BRINP3: variants seen among roughly 807,000 people sequenced by gnomAD.
BRINP3 encodes the protein BMP/retinoic acid inducible neural specific 3.
Under a neutral mutation model 71.0 loss-of-function variants are expected in BRINP3, and 19 were observed. The ratio of observed to expected loss-of-function variants is 0.27; its 90% confidence interval spans 0.19 to 0.39. BRINP3 has a LOEUF of 0.39. Among genes scored for constraint, BRINP3 ranks in the 10% least tolerant of loss-of-function variants. The probability of loss-of-function intolerance (pLI) is 1.00; values close to 1 mark genes in which losing one functional copy is unlikely to be tolerated. For missense variants in BRINP3, 959 were observed against 940.8 expected (o/e 1.02, Z -0.25); for synonymous variants, 380 against 337.7 (o/e 1.13, Z -1.37).
At chr1:190,372,807 T>C (rs1345947012) in intron 2 of BRINP3, among the ~76,000 whole-genome samples, 1 of 152,200 alleles carries the variant, frequency 6.6e-6, no homozygotes, top group Admixed American at 6.5e-5. Flanking sequence ...ATCTAAATTC[T>C]TTTTTATCAC....
At chr1:190,116,248 T>G (rs776644125) in intron 7 of BRINP3, among the ~76,000 whole-genome samples, 6 of 152,098 alleles carry the variant, frequency 3.9e-5, no homozygotes, top group Non-Finnish European at 8.8e-5. Flanking sequence ...TTCACAAATG[T>G]GGTTAAAATC....
At chr1:190,332,584 GAC>G (rs1667038195) in intron 2 of BRINP3, among the ~76,000 whole-genome samples, 1 of 152,004 alleles carries the variant, frequency 6.6e-6, no homozygotes, top group East Asian at 1.9e-4. Flanking sequence ...CCAGCAGAAA[GAC>G]AGTCTTTCTC....
At chr1:190,467,455 C>T (rs1436753519) in intron 1 of BRINP3, among the ~76,000 whole-genome samples, 1 of 151,398 alleles carries the variant, frequency 6.6e-6, no homozygotes, top group Non-Finnish European at 1.5e-5. Context: ...TTCCAATTGC[C>T]TCCTTAACTG....
intron 2 of BRINP3, among the ~76,000 whole-genome samples, chr1:190,444,023 G>C (rs560134343): frequency 6.6e-6 from 1 of 152,098 alleles, no homozygotes; most frequent in African/African-American, 2.4e-5. Flanking sequence ...ACCTAAGGTT[G>C]GGAGTTCGAG....
At chr1:190,367,350 G>A (rs1669573294) in intron 2 of BRINP3, among the ~76,000 whole-genome samples, 1 of 152,198 alleles carries the variant, frequency 6.6e-6, no homozygotes, top group South Asian at 2.1e-4. Context: ...TAAAGCAGCT[G>A]GGATGCAGGA....
At chr1:190,356,343 T>C (rs1558212237) in intron 2 of BRINP3, among the ~76,000 whole-genome samples, 1 of 152,010 alleles carries the variant, frequency 6.6e-6, no homozygotes, top group Non-Finnish European at 1.5e-5. Context: ...GTCATTTTTT[T>C]CCTATGACCC....
chr1:190,266,697 A>T (rs1169274105), intron 3 of BRINP3, among the ~76,000 whole-genome samples: 3 of 152,186 alleles, frequency 2.0e-5, no homozygotes, highest in African/African-American at 4.8e-5. Context: ...AGAATGACCA[A>T]TGAATCAGAA....
At chr1:190,462,585 G>T (rs997246001) in intron 1 of BRINP3, among the ~76,000 whole-genome samples, 1 of 152,094 alleles carries the variant, frequency 6.6e-6, no homozygotes, top group East Asian at 1.9e-4. Flanking sequence ...TAAAGAAAAT[G>T]ATGATAAAAT....
At chr1:190,420,861 T>G (rs1166534456) in intron 2 of BRINP3, among the ~76,000 whole-genome samples, 3 of 151,816 alleles carry the variant, frequency 2.0e-5, no homozygotes, top group Non-Finnish European at 4.4e-5. Flanking sequence ...AAGACAATGT[T>G]TCCAGGGAGA....
chr1:190,174,304 C>T (rs1456141437), intron 6 of BRINP3, among the ~76,000 whole-genome samples: 1 of 151,940 alleles, frequency 6.6e-6, no homozygotes, highest in Non-Finnish European at 1.5e-5. Context: ...ATTAATGTGT[C>T]TTATTTTCCA....
rs779512873 is a variant in BRINP3 at position 190,363,027 on chromosome 1, A to T, written c.237-81277T>A. Among the ~76,000 whole-genome samples, 240 of 152,280 alleles carry T rather than the reference A, an allele frequency of 1.6e-3. 2 individuals carry two copies. Among genetic ancestry groups the T allele is most frequent in the Admixed American group, 6.3e-3 (96 of 15,282 alleles). Reference sequence around the variant, plus strand: ...GTTATTAATCACTTGACTTTGAGTTAAATATAATGATAATATCTGAGTGAA... The same window carrying T: ...GTTATTAATCACTTGACTTTGAGTTTAATATAATGATAATATCTGAGTGAA... On this transcript the variant is annotated intron_variant, in intron 2 of 7. Coordinates refer to ENST00000367462, the MANE Select transcript of BRINP3 (RefSeq NM_199051.3).
chr1:190,388,277 C>A (rs1671039853), intron 2 of BRINP3, among the ~76,000 whole-genome samples: 1 of 151,758 alleles, frequency 6.6e-6, no homozygotes, highest in Admixed American at 6.6e-5. Flanking sequence ...ATCAGTCAAT[C>A]TGTTAATCAA....
At chr1:190,470,968 T>G (rs1009266376) in intron 1 of BRINP3, among the ~76,000 whole-genome samples, 1 of 151,018 alleles carries the variant, frequency 6.6e-6, no homozygotes, top group Non-Finnish European at 1.5e-5. Flanking sequence ...GAATGAATAC[T>G]TTATTTTAAA....
intron 4 of BRINP3, among the ~76,000 whole-genome samples, chr1:190,245,532 A>G (rs1365832462): frequency 6.6e-6 from 1 of 152,044 alleles, no homozygotes; most frequent in South Asian, 2.1e-4. Flanking sequence ...TAACTGAAAC[A>G]TCATCAGCTA....
chr1:190,411,766 C>A (rs1359433696), intron 2 of BRINP3, among the ~76,000 whole-genome samples: 2 of 151,888 alleles, frequency 1.3e-5, no homozygotes, highest in Non-Finnish European at 2.9e-5. Flanking sequence ...TAACAGGATA[C>A]CTGATAAATA....
chr1:190,102,790 A>G (rs1172964737), intron 7 of BRINP3, among the ~76,000 whole-genome samples: 1 of 152,086 alleles, frequency 6.6e-6, no homozygotes, highest in Non-Finnish European at 1.5e-5. Flanking sequence ...GAGAATCTTT[A>G]TCTATAAGGA....
chr1:190,401,694 T>C (rs542927950), intron 2 of BRINP3, among the ~76,000 whole-genome samples: 7 of 152,224 alleles, frequency 4.6e-5, no homozygotes, highest in African/African-American at 1.7e-4. Flanking sequence ...CCTATTTAAG[T>C]GAAGATTTCT....
At chr1:190,237,070 T>C (rs1363528942) in intron 4 of BRINP3, among the ~76,000 whole-genome samples, 1 of 151,948 alleles carries the variant, frequency 6.6e-6, no homozygotes, top group Non-Finnish European at 1.5e-5. Context: ...TTGTTGTCAA[T>C]TCATGTAAGA....
intron 3 of BRINP3, among the ~76,000 whole-genome samples, chr1:190,272,024 G>T (rs1372785976): frequency 6.6e-6 from 1 of 151,442 alleles, no homozygotes; most frequent in African/African-American, 2.4e-5. Context: ...GGCAATTAAA[G>T]ATGAACATAG....
Sources: gnomAD v4.1 joint callset for allele counts (sites outside exome capture counted in the v4.1 genomes callset) on GRCh38, gnomAD v4.1.1 for gene constraint, MANE v1.5 for transcripts, NCBI Gene and HGNC (gene_info 2026-07-23, HGNC 2026-07-21) for gene names.